GFM2: variants seen among roughly 807,000 people sequenced by gnomAD.
GFM2 encodes ribosome-releasing factor 2, mitochondrial.
A neutral mutation model predicts 95.4 loss-of-function variants in GFM2; 72 were observed. That is an observed-to-expected ratio of 0.76 (90% confidence interval 0.62 to 0.92). The LOEUF (loss-of-function observed/expected upper bound fraction) is 0.92, where lower values mean the gene tolerates loss of function less well. GFM2 is among the 40% of genes least tolerant of loss of function. The probability of loss-of-function intolerance (pLI) is 0.00; values close to 1 mark genes in which losing one functional copy is unlikely to be tolerated. For synonymous variants in GFM2, 276 were observed against 317.5 expected (o/e 0.87, Z 1.39); for missense variants, 825 against 924.1 (o/e 0.89, Z 1.39).
chr5:74,736,372 A>AGATTAT (rs1742834285), intron 15 of GFM2: 1 of 984,834 alleles, frequency 1.0e-6, no homozygotes, highest in African/African-American at 1.7e-5. Flanking sequence ...AGGTCAAACA[A>AGATTAT]GATTATCCAC....
chr5:74,723,373 C>G (rs1371485154), intron 19 of GFM2, among the ~76,000 whole-genome samples: 1 of 152,180 alleles, frequency 6.6e-6, no homozygotes, highest in Non-Finnish European at 1.5e-5. Flanking sequence ...ACACTGAGCT[C>G]ATCATTTTCT....
intron 20 of GFM2, among the ~76,000 whole-genome samples, chr5:74,722,146 TG>T (rs1188676561): frequency 6.6e-6 from 1 of 152,184 alleles, no homozygotes; most frequent in Non-Finnish European, 1.5e-5. Flanking sequence ...TCATATAGGC[TG>T]GTACCACATT....
At chr5:74,728,592 G>A (rs1209855722) in intron 17 of GFM2, among the ~76,000 whole-genome samples, 1 of 151,980 alleles carries the variant, frequency 6.6e-6, no homozygotes, top group Non-Finnish European at 1.5e-5. Context: ...TTCAAAGATA[G>A]TATTTTATAT....
chr5:74,765,294 T>G (rs1226107987), intron 1 of GFM2: 1 of 204,124 alleles, frequency 4.9e-6, no homozygotes, highest in East Asian at 1.4e-4. Context: ...ACCCACTGCT[T>G]TCTAGATATC....
At position 74,751,956 on chromosome 5, in the gene GFM2, C is replaced by A. The variant is rs139203399; in HGVS notation, c.305-463G>T. Among the ~76,000 whole-genome samples, 5 of 152,182 alleles carry A rather than the reference C, an allele frequency of 3.3e-5. No homozygotes were observed. The East Asian group carries it at 9.7e-4, about 29-fold the overall frequency. On this transcript the variant is annotated intron_variant, in intron 5 of 20. Transcript: ENST00000296805. ...AGTTTGTAAAATAAGGCTAGTAAAG[C>A]CATCCTTGCTGGGTTGTTATTATAA... is the stretch of plus-strand genomic sequence containing the variant.
intron 5 of GFM2, among the ~76,000 whole-genome samples, chr5:74,753,013 C>G (rs563803699): frequency 2.3e-4 from 35 of 152,168 alleles, no homozygotes; most frequent in African/African-American, 8.4e-4. Flanking sequence ...TTAATCCCCC[C>G]CACCAAAAAT....
At chr5:74,740,280 C>T (rs1204536467) in intron 11 of GFM2, 143 bp from the exon 12 acceptor site, 1 of 559,952 alleles carries the variant, frequency 1.8e-6, no homozygotes, top group Admixed American at 4.0e-5. Context: ...GTTTTTAACA[C>T]TCATCACTAT....
intron 2 of GFM2, among the ~76,000 whole-genome samples, chr5:74,762,462 C>CA (rs1342295828): frequency 1.3e-5 from 2 of 152,150 alleles, no homozygotes; most frequent in Non-Finnish European, 2.9e-5. Context: ...GTAAAACTAG[C>CA]AAAAATGTCT....
intron 5 of GFM2, among the ~76,000 whole-genome samples, chr5:74,753,713 G>T (rs1035168281): frequency 1.3e-5 from 2 of 152,184 alleles, no homozygotes; most frequent in African/African-American, 4.8e-5. Context: ...AGAAGTTTGG[G>T]ATTATGTGAA....
chr5:74,728,607 C>T (rs1463547827), intron 17 of GFM2, among the ~76,000 whole-genome samples: 2 of 152,078 alleles, frequency 1.3e-5, no homozygotes, highest in African/African-American at 2.4e-5. Flanking sequence ...TTATATTCTA[C>T]ATCTCATAAT....
In GFM2 at chr5:74,739,986, T is replaced by C. The variant is rs372382057; in HGVS notation, c.1079+3A>G. On this transcript the variant is annotated splice_donor_region_variant and intron_variant, in intron 12 of 20. Transcript: ENST00000296805. ...ATTTTAATATATGTGATTGCATACT[T>C]ACAGAAATTCATAGTTACGCTCTTC... is the stretch of plus-strand genomic sequence containing the variant. The C allele has an allele frequency of 1.9e-5, 29 of 1,513,578 alleles. No individual in the cohort carries two copies. The highest frequency in any genetic ancestry group is 2.5e-5 in the Non-Finnish European group (28 of 1,131,120). 93.8% of individuals were successfully genotyped at this position (1,513,578 alleles called of 1,614,324 possible).
At chr5:74,742,011 T>C (rs1163270001) in intron 10 of GFM2, among the ~76,000 whole-genome samples, 3 of 152,202 alleles carry the variant, frequency 2.0e-5, no homozygotes, top group African/African-American at 7.2e-5. Context: ...ATTCTGAATG[T>C]TCACCAGATC....
At chr5:74,764,415 TGCAGGCCA>T (rs1450041832) in intron 1 of GFM2, among the ~76,000 whole-genome samples, 2 of 152,254 alleles carry the variant, frequency 1.3e-5, no homozygotes, top group Non-Finnish European at 2.9e-5. Flanking sequence ...ACCCGTGGCC[TGCAGGCCA>T]CATGCGGCCC....
intron 5 of GFM2, among the ~76,000 whole-genome samples, chr5:74,751,733 T>C (rs1743724197): frequency 6.6e-6 from 1 of 152,238 alleles, no homozygotes; most frequent in African/African-American, 2.4e-5. Context: ...TTAAGTTTAC[T>C]GAACTTATTT....
chr5:74,742,173 G>A (rs937863021), intron 10 of GFM2, among the ~76,000 whole-genome samples: 7 of 150,992 alleles, frequency 4.6e-5, no homozygotes, highest in African/African-American at 9.8e-5. Context: ...CCGACTATAC[G>A]AAATGGGATC....
intron 2 of GFM2, among the ~76,000 whole-genome samples, chr5:74,763,435 T>A (rs1744385227): frequency 6.6e-6 from 1 of 152,216 alleles, no homozygotes; most frequent in African/African-American, 2.4e-5. Flanking sequence ...ACAACTGGCA[T>A]TTTAGTACTC....
intron 10 of GFM2, 80 bp downstream of exon 10, chr5:74,745,598 G>T: frequency 8.2e-7 from 1 of 1,215,732 alleles, no homozygotes; most frequent in South Asian, 1.6e-5. Flanking sequence ...ACCAATCCCC[G>T]AGAGATGCTA....
chr5:74,764,467 G>C (rs530840116), intron 1 of GFM2, among the ~76,000 whole-genome samples: 24 of 152,142 alleles, frequency 1.6e-4, no homozygotes, highest in Middle Eastern at 6.8e-3. Flanking sequence ...ACATAAATTC[G>C]TAAACTTTCT....
At chr5:74,734,963 A>C (rs543826839) in intron 15 of GFM2, among the ~76,000 whole-genome samples, 2 of 152,338 alleles carry the variant, frequency 1.3e-5, no homozygotes, top group African/African-American at 4.8e-5. Flanking sequence ...TTTCACTGCA[A>C]GCCCACAATT....
Sources: gnomAD v4.1 joint callset for allele counts (sites outside exome capture counted in the v4.1 genomes callset) on GRCh38, gnomAD v4.1.1 for gene constraint, MANE v1.5 for transcripts, NCBI Gene and HGNC (gene_info 2026-07-23, HGNC 2026-07-21) for gene names.